Variants in SLC28A2 observed in about 807,000 individuals in gnomAD.
SLC28A2 encodes the protein solute carrier family 28 member 2, also known as sodium/nucleoside cotransporter 2.
In SLC28A2, 69 loss-of-function variants were observed where a neutral mutation model predicts 72.9. The observed-to-expected ratio is 0.95, with a 90% CI of 0.78 to 1.16. The LOEUF is 1.16. Among genes scored for constraint, SLC28A2 ranks in the 50% most tolerant of loss-of-function variants. The pLI, the probability that SLC28A2 is intolerant of heterozygous loss-of-function variation, is 0.00. For synonymous variants in SLC28A2, 296 were observed against 294.1 expected (o/e 1.01, Z -0.07); for missense variants, 745 against 791.1 (o/e 0.94, Z 0.70).
At chr15:45,265,454 T>G in intron 8 of SLC28A2, 129 bp from the exon 9 acceptor site, 1 of 718,960 alleles carries the variant, frequency 1.4e-6, no homozygotes, top group East Asian at 2.5e-5. Context: ...ATCCCTAAAC[T>G]AGTTTGTGTA....
chr15:45,263,194 A>G lies in SLC28A2; in HGVS notation c.396A>G (p.Thr132=). 1.2e-6 allele frequency: 2 copies of G among 1,614,078 alleles called. No individual in the cohort carries two copies. The highest frequency in any genetic ancestry group is 2.2e-5 in the East Asian group (1 of 44,880). The change falls in exon 5 of 18, where the codon ACA becomes ACG. Residue 132 remains threonine, a synonymous_variant. Coordinates refer to ENST00000347644, the MANE Select transcript of SLC28A2 (RefSeq NM_004212.4). ...FLKKLLGKKL[T]RCLKPFENSR... is the part of the protein sequence containing the mutation. ...AAAAGCTCCTGGGCAAAAAATTAAC[A>G]AGATGTCTGAAGCCCTTTGAAAACT...
rs1227221194 is a variant in SLC28A2, at chr15:45,267,531, G to A, written c.1019G>A (p.Gly340Glu). The A allele has an allele frequency of 1.9e-6, 3 of 1,613,996 alleles. No individual in the cohort carries two copies. The highest frequency in any genetic ancestry group is 2.5e-6 in the Non-Finnish European group (3 of 1,180,010). ...LSEIHAVMTG[G>E]FATISGTVLG... The stretch of plus-strand genomic sequence containing the variant: ...GAAATCCATGCGGTGATGACTGGAG[G>A]GTTTGCCACCATTTCTGGCACTGTG... The change falls in exon 11 of 18, where the codon GGG (glycine) becomes GAG (glutamate). Residue 340 changes from glycine (G) to glutamate (E), a missense_variant. Coordinates refer to ENST00000347644, the MANE Select transcript of SLC28A2 (RefSeq NM_004212.4).
At chr15:45,255,169 T>A (rs1899937226) in intron 3 of SLC28A2, 1 of 151,132 alleles carries the variant, frequency 6.6e-6, no homozygotes, top group African/African-American at 2.4e-5. Flanking sequence ...GGTGGGAGGA[T>A]CACTTGAGCC....
Position 45,273,669 on chromosome 15 carries a change from C to A in SLC28A2, c.1859+885C>A, listed in dbSNP as rs370699906. ...GCCATTTGAATGGCAAGGAGACCAA[C>A]AAACACCCTGCTGTAATAGTCCTAG... On this transcript the variant is annotated intron_variant, in intron 17 of 17. Transcript: ENST00000347644. Among the ~76,000 whole-genome samples the A allele has an allele frequency of 3.3e-5, 5 of 152,300 alleles. No homozygotes were observed. The East Asian group carries it at 9.7e-4, about 29-fold the overall frequency.
At chr15:45,260,303 G>A (rs373932755) in intron 3 of SLC28A2, among the ~76,000 whole-genome samples, 2 of 152,222 alleles carry the variant, frequency 1.3e-5, no homozygotes, top group Admixed American at 1.3e-4. Flanking sequence ...GGACATGGGA[G>A]TACATTGATG....
chr15:45,275,342 T>G (rs1900719567), intron 17 of SLC28A2, 54 bp from the exon 18 acceptor site: 2 of 1,019,496 alleles, frequency 2.0e-6, no homozygotes, highest in African/African-American at 3.2e-5. Context: ...TGATATGTTT[T>G]GTTGCTTTGT....
At chr15:45,264,141 C>T (rs1280942528) in intron 6 of SLC28A2, 119 bp downstream of exon 6, 5 of 937,768 alleles carry the variant, frequency 5.3e-6, no homozygotes, top group East Asian at 5.5e-5. Context: ...ATAACAACCC[C>T]TAGAATTTGC....
At chr15:45,263,742 G>T in intron 5 of SLC28A2, 139 bp from the exon 6 acceptor site, 2 of 736,994 alleles carry the variant, frequency 2.7e-6, no homozygotes, top group East Asian at 2.7e-5. Context: ...GGCGTCTACA[G>T]CAGCCACAGC....
intron 12 of SLC28A2, 109 bp from the exon 13 acceptor site, chr15:45,268,101 T>G (rs1430639069): frequency 1.9e-6 from 2 of 1,047,044 alleles, no homozygotes; most frequent in East Asian, 2.4e-5. Context: ...ACCTTCTACA[T>G]TGGCCTTGCA....
intron 3 of SLC28A2, among the ~76,000 whole-genome samples, chr15:45,261,814 C>A (rs1900172441): frequency 6.6e-6 from 1 of 152,176 alleles, no homozygotes; most frequent in South Asian, 2.1e-4. Flanking sequence ...GTAGGGTATT[C>A]TGACCTGCTG....
At position 45,276,215 on chromosome 15, in the gene SLC28A2, T is replaced by G. The variant is rs1470435442; in HGVS notation, c.*702T>G. 8 of 151,904 alleles carry G rather than the reference T, an allele frequency of 5.3e-5. No individual in the cohort carries two copies. The highest frequency in any genetic ancestry group is 1.5e-4 in the African/African-American group (6 of 41,310). The allele number at this position is 151,904 out of a possible 1,614,324, so 9.4% of individuals were successfully genotyped here. ...TGAAATTGGAAATCATCATTCTCAG[T>G]AAACTATCGCAAGGACAAAAAACCA... On this transcript the variant is annotated 3_prime_UTR_variant, in exon 18 of 18. Transcript: ENST00000347644.
chr15:45,265,636 G>A lies in SLC28A2; in HGVS notation c.834G>A (p.Leu278=), dbSNP rs1900307513. Residue 278 remains leucine (L), a synonymous_variant, in exon 9 of 18, where the codon CTG becomes CTA. Transcript: ENST00000347644. The stretch of plus-strand genomic sequence containing the variant: ...GTGTGGTGTCCATTCTCTACTACCT[G>A]GGCCTTGTGCAATGGGTAGTTCAGA... ...FGCVVSILYY[L]GLVQWVVQKV... is the part of the protein sequence containing the mutation. The A allele has an allele frequency of 1.2e-6, 2 of 1,613,242 alleles. No individual in the cohort carries two copies. The highest frequency in any genetic ancestry group is 2.7e-5 in the African/African-American group (2 of 74,992).
At position 45,264,997 on chromosome 15, in the gene SLC28A2, G is replaced by C. The variant is rs1900287368; in HGVS notation, c.703-92G>C. On this transcript the variant is annotated intron_variant, in intron 7 of 17. Coordinates refer to ENST00000347644, the MANE Select transcript of SLC28A2 (RefSeq NM_004212.4). ...GAGGCCAACCTCAGTAGCAACAGTA[G>C]GTCCTCAGGACGCATGGGGCTGGTC... 1.9e-5 allele frequency: 19 copies of C among 1,006,376 alleles called. No individual in the cohort carries two copies. The South Asian group carries it at 2.3e-4, about 12-fold the overall frequency. The allele number at this position is 1,006,376 out of a possible 1,614,324, so 62.3% of individuals were successfully genotyped here.
chr15:45,269,817 G>A (rs1368599496), intron 14 of SLC28A2, among the ~76,000 whole-genome samples: 2 of 152,202 alleles, frequency 1.3e-5, no homozygotes, highest in African/African-American at 4.8e-5. Context: ...TACAGCTGGG[G>A]CAGTCCAGGG....
rs1156461088 is a variant in SLC28A2 at position 45,264,662 on chromosome 15, G to A, written c.596G>A (p.Trp199Ter). Residue 199 changes from tryptophan (W) to a stop codon, truncating the protein, a stop_gained, in exon 7 of 18, where the codon TGG becomes TAG. Coordinates refer to ENST00000347644, the MANE Select transcript of SLC28A2 (RefSeq NM_004212.4). LOFTEE classifies it high-confidence loss of function. ...ACSKHHSAVS[W>*]RTVFSGLGLQ... is the part of the protein sequence containing the mutation. ...TATTCTTATTGATCCTAGGTGTCCT[G>A]GAGGACAGTGTTTTCGGGCCTAGGT... 6.2e-7 allele frequency: 1 copy of A among 1,600,142 alleles called. No homozygotes were observed. The highest frequency in any genetic ancestry group is 8.6e-7 in the Non-Finnish European group (1 of 1,167,342).
intron 10 of SLC28A2, 95 bp from the exon 11 acceptor site, chr15:45,267,360 G>T: frequency 7.5e-7 from 1 of 1,326,258 alleles, no homozygotes; most frequent in Non-Finnish European, 1.1e-6. Flanking sequence ...GGATGGATGT[G>T]TATCTAGTGG....
At chr15:45,273,721 G>A (rs1019753939) in intron 17 of SLC28A2, among the ~76,000 whole-genome samples, 2 of 152,186 alleles carry the variant, frequency 1.3e-5, no homozygotes, top group African/African-American at 4.8e-5. Context: ...TTGATACTAA[G>A]TGGTTGTGAG....
intron 3 of SLC28A2, among the ~76,000 whole-genome samples, chr15:45,257,976 C>G (rs1319049809): frequency 6.6e-6 from 1 of 152,220 alleles, no homozygotes; most frequent in African/African-American, 2.4e-5. Flanking sequence ...GTAATCCCAG[C>G]ATTTTGGGAG....
At chr15:45,259,593 TG>T (rs1900086114) in intron 3 of SLC28A2, among the ~76,000 whole-genome samples, 1 of 152,250 alleles carries the variant, frequency 6.6e-6, no homozygotes, top group Non-Finnish European at 1.5e-5. Flanking sequence ...ATCATTTTTA[TG>T]AGTTTATCTA....
Sources: allele counts gnomAD v4.1 joint callset (sites outside exome capture counted in the v4.1 genomes callset), GRCh38; gene constraint gnomAD v4.1.1; transcripts MANE v1.5; gene names NCBI Gene and HGNC (gene_info 2026-07-23, HGNC 2026-07-21).